The following SYTL5 variants were observed in gnomAD, a reference collection of about 807,000 sequenced individuals.
The protein encoded by SYTL5 is synaptotagmin-like protein 5.
Under a neutral mutation model 55.9 loss-of-function variants are expected in SYTL5, and 34 were observed. That is an observed-to-expected ratio of 0.61 (90% CI 0.46 to 0.81). The LOEUF is 0.81. SYTL5 is among the 30% of genes least tolerant of loss of function. SYTL5 has a pLI of 0.00. For missense variants in SYTL5, 637 were observed against 546.7 expected (o/e 1.17, Z -1.65); for synonymous variants, 221 against 188.7 (o/e 1.17, Z -1.40).
At chrX:37,917,790 G>A in the SYTL5 span, among the ~76,000 whole-genome samples, 1 of 111,157 alleles carries the variant, frequency 9.0e-6, no homozygotes, top group Non-Finnish European at 1.9e-5. Flanking sequence ...ATACTCTAAG[G>A]AAAAAGGCCA....
chrX:38,073,291 G>A (rs1044404031), intron 4 of SYTL5, among the ~76,000 whole-genome samples: 1 of 111,792 alleles, frequency 8.9e-6, no homozygotes, highest in Non-Finnish European at 1.9e-5. Context: ...GATCTTAGGA[G>A]ACCATGTTCC....
At chrX:38,054,000 A>G (rs1372198967) in intron 2 of SYTL5, among the ~76,000 whole-genome samples, 1 of 112,118 alleles carries the variant, frequency 8.9e-6, no homozygotes, top group Non-Finnish European at 1.9e-5. Context: ...TCCAAATGAA[A>G]ATATCTCTTG....
intron 7 of SYTL5, 116 bp downstream of exon 7, chrX:38,089,703 A>G: frequency 2.4e-6 from 2 of 819,903 alleles, no homozygotes; most frequent in Non-Finnish European, 3.4e-6. Context: ...ACAGTTCTGC[A>G]TGGCTGCAGA....
At chrX:38,045,964 G>A (rs1269660699) in intron 2 of SYTL5, among the ~76,000 whole-genome samples, 3 of 111,882 alleles carry the variant, frequency 2.7e-5, no homozygotes, top group Non-Finnish European at 5.6e-5. Flanking sequence ...TTAACTTTGA[G>A]TGTGCTCAGC....
the SYTL5 span, among the ~76,000 whole-genome samples, chrX:37,986,465 C>A: frequency 8.9e-6 from 1 of 112,161 alleles, no homozygotes; most frequent in Non-Finnish European, 1.9e-5. Flanking sequence ...TGTCTGTAAT[C>A]TTTAGATAAC....
At chrX:37,917,672 C>T in the SYTL5 span, among the ~76,000 whole-genome samples, 1 of 112,077 alleles carries the variant, frequency 8.9e-6, no homozygotes, top group East Asian at 2.8e-4. Flanking sequence ...TCCACCTTTT[C>T]ATGTTTTTAT....
the SYTL5 span, among the ~76,000 whole-genome samples, chrX:37,909,495 A>G: frequency 1.6e-4 from 17 of 107,648 alleles, no homozygotes; most frequent in African/African-American, 5.4e-4. Flanking sequence ...TTTTTTTTTT[A>G]GCTCATCAGC....
chrX:37,888,930 C>CAAAAA, the SYTL5 span, among the ~76,000 whole-genome samples: 4 of 54,187 alleles, frequency 7.4e-5, no homozygotes, highest in African/African-American at 2.0e-4. Context: ...GACTCTGTCT[C>CAAAAA]AAAAAAAAAA....
the SYTL5 span, among the ~76,000 whole-genome samples, chrX:37,904,905 A>G: frequency 9.0e-6 from 1 of 110,962 alleles, no homozygotes; most frequent in Non-Finnish European, 1.9e-5. Flanking sequence ...TGCCAGGGCT[A>G]AAGGAACTCT....
chrX:38,102,178 C>A (rs762733970), intron 9 of SYTL5, among the ~76,000 whole-genome samples, 164 bp from the exon 10 acceptor site: 1 of 110,857 alleles, frequency 9.0e-6, no homozygotes, highest in East Asian at 2.8e-4. Context: ...TGGTATAATT[C>A]AGATTGACCG....
Position 38,089,460 on chromosome X carries a change from C to T in SYTL5, c.704C>T (p.Ser235Leu), listed in dbSNP as rs1346839578. ...TTCTCATTTAGGGGAAGCACTGGCT[C>T]ATCAGATCTCAATGACCAGGAACCT... is the stretch of plus-strand genomic sequence containing the variant. ...PPGSDRGSTG[S>L]SDLNDQEPGP... The change falls in exon 7 of 17, where the codon TCA becomes TTA. Residue 235 changes from serine to leucine, a missense_variant. Coordinates refer to ENST00000297875, the MANE Select transcript of SYTL5 (RefSeq NM_138780.3). The T allele has an allele frequency of 3.3e-6, 4 of 1,206,946 alleles. No individual in the cohort carries two copies. Among genetic ancestry groups the T allele is most frequent in the African/African-American group, 1.8e-5 (1 of 56,868 alleles).
In SYTL5 at chrX:38,106,633, G is replaced by T; in HGVS notation, c.1196G>T (p.Gly399Val). 1 of 1,208,373 alleles carries T rather than the reference G, an allele frequency of 8.3e-7. No homozygotes were observed. The highest frequency in any genetic ancestry group is 1.1e-6 in the Non-Finnish European group (1 of 894,148). Residue 399 changes from glycine to valine, a missense_variant, in exon 11 of 17, where the codon GGA (glycine) becomes GTA (valine). Physicochemically the swap from Gly to Val is moderately radical, Grantham distance 109 (BLOSUM62 -3). Transcript: ENST00000297875. Reference sequence around the variant, plus strand: ...ATGATGAGCGTTTACAGTGAAACGGGAGACTATGGCAACGTGAAAGTCAGT... The same window carrying T: ...ATGATGAGCGTTTACAGTGAAACGGTAGACTATGGCAACGTGAAAGTCAGT... Reference protein sequence around the residue: ...NSMMSVYSETGDYGNVKVSGE... With the variant: ...NSMMSVYSETVDYGNVKVSGE...
the SYTL5 span, among the ~76,000 whole-genome samples, chrX:37,922,316 C>T: frequency 9.0e-6 from 1 of 111,356 alleles, no homozygotes; most frequent in African/African-American, 3.3e-5. Flanking sequence ...TGGAGAGCCT[C>T]CGAGGTAAAG....
the SYTL5 span, among the ~76,000 whole-genome samples, chrX:37,980,587 C>A: frequency 1.8e-5 from 2 of 112,099 alleles, no homozygotes; most frequent in East Asian, 5.6e-4. Context: ...TAAGACCCAG[C>A]CTATTCTTCT....
intron 1 of SYTL5, among the ~76,000 whole-genome samples, chrX:38,031,218 C>T (rs961386312): frequency 2.5e-4 from 28 of 111,951 alleles, no homozygotes; most frequent in African/African-American, 8.4e-4. Context: ...AGAGTTTTGG[C>T]TACTTCTGAT....
intron 8 of SYTL5, among the ~76,000 whole-genome samples, chrX:38,095,808 T>G (rs1210434118): frequency 9.0e-6 from 1 of 111,019 alleles, no homozygotes. Flanking sequence ...CTAAGAGAGT[T>G]TTTTAAAGTC....
chrX:37,928,102 T>C, the SYTL5 span, among the ~76,000 whole-genome samples: 2 of 112,300 alleles, frequency 1.8e-5, no homozygotes, highest in Non-Finnish European at 3.8e-5. Context: ...AGTGAAGGCA[T>C]TACATATATA....
At chrX:37,967,772 G>A in the SYTL5 span, among the ~76,000 whole-genome samples, 2 of 109,116 alleles carry the variant, frequency 1.8e-5, no homozygotes, top group Admixed American at 9.9e-5. Flanking sequence ...TTGCTACTCC[G>A]ACTTGTTAAT....
the SYTL5 span, among the ~76,000 whole-genome samples, chrX:37,899,289 A>G: frequency 1.8e-5 from 2 of 110,648 alleles, no homozygotes; most frequent in Non-Finnish European, 3.8e-5. Context: ...GCAGCCCTGA[A>G]CTCCTCAGCT....
Sources: allele counts gnomAD v4.1 joint callset (sites outside exome capture counted in the v4.1 genomes callset), GRCh38; gene constraint gnomAD v4.1.1; transcripts MANE v1.5; gene names NCBI Gene and HGNC (gene_info 2026-07-23, HGNC 2026-07-21).